KIAA1328: variants seen among roughly 807,000 people sequenced by gnomAD.
KIAA1328 encodes the protein protein hinderin.
Under a neutral mutation model 68.1 loss-of-function variants are expected in KIAA1328, and 52 were observed. The ratio of observed to expected loss-of-function variants is 0.76; its 90% confidence interval spans 0.61 to 0.96. The LOEUF (loss-of-function observed/expected upper bound fraction) is 0.96. Among genes scored for constraint, KIAA1328 ranks in the 40% least tolerant of loss-of-function variants. The pLI is 0.00. For missense variants in KIAA1328, 641 were observed against 677.6 expected, an observed-to-expected ratio of 0.95 and a Z score of 0.60; for synonymous variants, 232 against 239.4, an observed-to-expected ratio of 0.97 and a Z score of 0.28.
intron 8 of KIAA1328, among the ~76,000 whole-genome samples, chr18:37,172,174 C>G (rs2059512640): frequency 6.6e-6 from 1 of 152,142 alleles, no homozygotes; most frequent in South Asian, 2.1e-4. Context: ...AAGAGTGGAT[C>G]TTCCCAAATA....
intron 7 of KIAA1328, among the ~76,000 whole-genome samples, chr18:37,131,352 T>C (rs2058516833): frequency 6.6e-6 from 1 of 152,226 alleles, no homozygotes; most frequent in South Asian, 2.1e-4. Context: ...GGCTGAGTAG[T>C]GCATCTGAAG....
chr18:37,107,073 A>C (rs1005870190), intron 7 of KIAA1328, among the ~76,000 whole-genome samples: 1 of 152,128 alleles, frequency 6.6e-6, no homozygotes, highest in African/African-American at 2.4e-5. Context: ...GTGAAACCCC[A>C]TCTCTACTAA....
chr18:36,931,613 C>T (rs2050313251), intron 5 of KIAA1328, among the ~76,000 whole-genome samples: 1 of 151,956 alleles, frequency 6.6e-6, no homozygotes, highest in Admixed American at 6.6e-5. Context: ...ACTTATATTT[C>T]TAGTTAACCT....
chr18:37,104,196 A>G (rs1385415429), intron 7 of KIAA1328, among the ~76,000 whole-genome samples: 1 of 152,238 alleles, frequency 6.6e-6, no homozygotes, highest in East Asian at 1.9e-4. Context: ...GAAATCAGTT[A>G]TCAAAGAGAT....
At chr18:36,900,710 T>G (rs2049009736) in intron 5 of KIAA1328, among the ~76,000 whole-genome samples, 1 of 152,044 alleles carries the variant, frequency 6.6e-6, no homozygotes, top group Non-Finnish European at 1.5e-5. Flanking sequence ...ACAGTGATGT[T>G]TCTGTCAGCC....
intron 7 of KIAA1328, among the ~76,000 whole-genome samples, chr18:37,074,332 G>A (rs926841596): frequency 6.6e-6 from 1 of 152,126 alleles, no homozygotes; most frequent in African/African-American, 2.4e-5. Flanking sequence ...ACCTTTTACA[G>A]TATTCTTATG....
intron 9 of KIAA1328, among the ~76,000 whole-genome samples, chr18:37,195,361 T>C (rs2059984050): frequency 6.6e-6 from 1 of 152,212 alleles, no homozygotes; most frequent in South Asian, 2.1e-4. Flanking sequence ...GCTTTATGCT[T>C]TTGAGGTTTT....
chr18:37,127,731 C>T (rs376623109), intron 7 of KIAA1328, among the ~76,000 whole-genome samples: 7 of 151,858 alleles, frequency 4.6e-5, no homozygotes, highest in South Asian at 2.1e-4. Context: ...TTAAAGCTTA[C>T]GGTAAAATTT....
chr18:36,964,265 G>GCAAGTATTT (rs2051821479), intron 6 of KIAA1328, among the ~76,000 whole-genome samples: 2 of 152,276 alleles, frequency 1.3e-5, no homozygotes, highest in African/African-American at 4.8e-5. Flanking sequence ...GAGATGGTGG[G>GCAAGTATTT]CAAGTATTTT....
intron 7 of KIAA1328, among the ~76,000 whole-genome samples, chr18:37,148,224 C>T (rs1044447002): frequency 1.4e-4 from 22 of 152,078 alleles, no homozygotes; most frequent in Non-Finnish European, 2.2e-4. Flanking sequence ...TGAGAACATG[C>T]GGTATTTGGC....
At chr18:37,184,355 A>G (rs964061282) in intron 9 of KIAA1328, among the ~76,000 whole-genome samples, 1 of 152,214 alleles carries the variant, frequency 6.6e-6, no homozygotes, top group Non-Finnish European at 1.5e-5. Context: ...CCCGAGTGTG[A>G]GCAGTGTCAA....
intron 6 of KIAA1328, among the ~76,000 whole-genome samples, chr18:36,965,189 ATAAT>A (rs1398880224): frequency 1.3e-5 from 2 of 152,114 alleles, no homozygotes; most frequent in East Asian, 3.9e-4. Context: ...AATTGGTAAA[ATAAT>A]TACTTTTTAG....
intron 4 of KIAA1328, among the ~76,000 whole-genome samples, chr18:36,861,061 T>G (rs2047550177): frequency 6.6e-6 from 1 of 152,164 alleles, no homozygotes; most frequent in Non-Finnish European, 1.5e-5. Context: ...TGACTAGTGT[T>G]TTTTTGTAAA....
chr18:36,903,973 TAAGATCCCCAGGTGA>T (rs2049127058), intron 5 of KIAA1328, among the ~76,000 whole-genome samples: 1 of 152,146 alleles, frequency 6.6e-6, no homozygotes, highest in African/African-American at 2.4e-5. Flanking sequence ...TGTGTTTTAA[TAAGATCCCCAGGTGA>T]TCTGTACATT....
intron 3 of KIAA1328, among the ~76,000 whole-genome samples, chr18:36,837,857 AT>A (rs2046732174): frequency 6.6e-6 from 1 of 151,944 alleles, no homozygotes; most frequent in Admixed American, 6.6e-5. Flanking sequence ...TCCCCTTTGA[AT>A]TTCTTGGCAC....
Position 36,932,035 on chromosome 18 carries a change from T to G in KIAA1328, c.449-27273T>G, listed in dbSNP as rs1364389024. On this transcript the variant is annotated intron_variant, in intron 5 of 9. Transcript: ENST00000280020. ...ATTTAATGGCCTTTTCCATACTTTC[T>G]ATCAGTTTATTTTACATCTTCAAGG... Among the ~76,000 whole-genome samples the G allele has an allele frequency of 7.9e-5, 12 of 152,198 alleles. No homozygotes were observed. The East Asian group carries it at 1.9e-3, about 24-fold the overall frequency.
intron 6 of KIAA1328, among the ~76,000 whole-genome samples, chr18:36,975,812 C>T (rs1411253700): frequency 6.6e-6 from 1 of 152,092 alleles, no homozygotes; most frequent in Non-Finnish European, 1.5e-5. Flanking sequence ...TCTTTTGTTA[C>T]AGAGAATCCC....
At chr18:36,931,676 A>G (rs1178171390) in intron 5 of KIAA1328, among the ~76,000 whole-genome samples, 1 of 152,016 alleles carries the variant, frequency 6.6e-6, no homozygotes, top group Non-Finnish European at 1.5e-5. Context: ...TATTCATTTT[A>G]AATATGTGAA....
chr18:36,877,624 G>T (rs1303245390), intron 4 of KIAA1328, among the ~76,000 whole-genome samples: 2 of 146,028 alleles, frequency 1.4e-5, no homozygotes, highest in Non-Finnish European at 3.0e-5. Flanking sequence ...ACAGCACACC[G>T]ATGGGTCTTG....
Sources: gnomAD v4.1 joint callset for allele counts (sites outside exome capture counted in the v4.1 genomes callset) on GRCh38, gnomAD v4.1.1 for gene constraint, MANE v1.5 for transcripts, NCBI Gene and HGNC (gene_info 2026-07-23, HGNC 2026-07-21) for gene names.